The following ADGRL3 variants were observed in gnomAD, a reference collection of about 807,000 sequenced individuals.
ADGRL3 encodes adhesion G protein-coupled receptor L3, also known as calcium-independent alpha-latrotoxin receptor 3.
A neutral mutation model predicts 153.5 loss-of-function variants in ADGRL3; 62 were observed. That is an observed-to-expected ratio of 0.40 (90% CI 0.33 to 0.50). The LOEUF (loss-of-function observed/expected upper bound fraction) is 0.50, where lower values mean the gene tolerates loss of function less well. Among genes scored for constraint, ADGRL3 ranks in the 20% least tolerant of loss-of-function variants. The pLI is 0.47. For missense variants in ADGRL3, 1,641 were observed against 1,859.4 expected (o/e 0.88, Z 2.16); for synonymous variants, 710 against 672.5 (o/e 1.06, Z -0.86).
intron 26 of ADGRL3, 102 bp from the exon 27 acceptor site, chr4:62,070,007 A>G: frequency 1.1e-6 from 1 of 916,422 alleles, no homozygotes; most frequent in Non-Finnish European, 1.7e-6. Flanking sequence ...CTAGCAATTT[A>G]TACATATTTC....
chr4:61,519,829 A>T (rs1351559691), intron 4 of ADGRL3, among the ~76,000 whole-genome samples: 1 of 152,184 alleles, frequency 6.6e-6, no homozygotes, highest in Non-Finnish European at 1.5e-5. Flanking sequence ...TCTAGAAACA[A>T]GATACTTTAA....
At chr4:62,032,140 G>A (rs938853381) in intron 23 of ADGRL3, among the ~76,000 whole-genome samples, 3 of 151,166 alleles carry the variant, frequency 2.0e-5, no homozygotes, top group Admixed American at 2.0e-4. Context: ...AATGAATGAT[G>A]GAATAGTTAA....
At chr4:61,387,154 G>A (rs1023503495) in intron 2 of ADGRL3, among the ~76,000 whole-genome samples, 1 of 152,114 alleles carries the variant, frequency 6.6e-6, no homozygotes, top group South Asian at 2.1e-4. Flanking sequence ...TACCCTACAA[G>A]CCACAAAAAC....
At position 61,473,201 on chromosome 4, in the gene ADGRL3, G is replaced by T. The variant is rs578249343; in HGVS notation, c.-173-23920G>T. Among the ~76,000 whole-genome samples the T allele has an allele frequency of 9.2e-5, 4 of 43,636 alleles. No individual in the cohort carries two copies. In the South Asian group the frequency reaches 5.8e-3, roughly 63 times the overall value. The allele number at this position is 43,636 out of a possible 152,430, so 28.6% of individuals were successfully genotyped here. On this transcript the variant is annotated intron_variant, in intron 2 of 26. Transcript: ENST00000683033. ...AGTGAAAGGAAAAAAACACCTATTT[G>T]TATGTGTTTGTGTGTGTGTGTGTGT... is the stretch of plus-strand genomic sequence containing the variant.
chr4:61,329,785 T>A lies in ADGRL3; in HGVS notation c.-239-53339T>A, dbSNP rs190806752. 4.6e-5 allele frequency among the ~76,000 whole-genome samples: 7 copies of A among 152,304 alleles called. No individual in the cohort carries two copies. In the East Asian group the frequency reaches 1.4e-3, roughly 29 times the overall value. On this transcript the variant is annotated intron_variant, in intron 1 of 26. Transcript: ENST00000683033. ...ATTTTCTAATGGTGGACATATGGAG[T>A]GTTTAATATAAACAATGCTGTGGAA...
intron 1 of ADGRL3, among the ~76,000 whole-genome samples, chr4:61,319,095 T>C (rs2095299828): frequency 6.6e-6 from 1 of 152,186 alleles, no homozygotes; most frequent in South Asian, 2.1e-4. Flanking sequence ...AGGCTGCCTG[T>C]ATGTTGTTAC....
chr4:61,213,266 C>A (rs1740986867), intron 1 of ADGRL3, among the ~76,000 whole-genome samples: 1 of 152,006 alleles, frequency 6.6e-6, no homozygotes, highest in African/African-American at 2.4e-5. Flanking sequence ...TTTTAGCAGT[C>A]CTTCTATGTT....
chr4:61,650,986 A>T (rs1294334153), intron 5 of ADGRL3, among the ~76,000 whole-genome samples: 2 of 152,160 alleles, frequency 1.3e-5, no homozygotes, highest in African/African-American at 4.8e-5. Context: ...AATAATGGAA[A>T]ATAGTAAGGA....
At chr4:61,282,474 G>A (rs2093760382) in intron 1 of ADGRL3, among the ~76,000 whole-genome samples, 1 of 151,898 alleles carries the variant, frequency 6.6e-6, no homozygotes, top group South Asian at 2.1e-4. Context: ...TTGTGTATGG[G>A]TTTTTTGCAC....
chr4:61,964,840 A>C (rs1036271916), intron 17 of ADGRL3, among the ~76,000 whole-genome samples: 16 of 152,038 alleles, frequency 1.1e-4, no homozygotes, highest in Admixed American at 1.0e-3. Context: ...CAGAAGAAAC[A>C]TAGAAACCTT....
intron 5 of ADGRL3, among the ~76,000 whole-genome samples, chr4:61,668,779 A>C (rs1021013165): frequency 6.6e-6 from 1 of 152,128 alleles, no homozygotes; most frequent in Non-Finnish European, 1.5e-5. Flanking sequence ...AACACTCGAG[A>C]GGCTGAGGTG....
intron 6 of ADGRL3, among the ~76,000 whole-genome samples, chr4:61,680,448 G>T (rs1270128990): frequency 7.9e-6 from 1 of 127,024 alleles, no homozygotes; most frequent in African/African-American, 2.9e-5. Flanking sequence ...GTGTGTGTGT[G>T]TTTCCATGGC....
In ADGRL3 at chr4:61,274,034, T is replaced by C. The variant is rs952818165; in HGVS notation, c.-240+72269T>C. On this transcript the variant is annotated intron_variant, in intron 1 of 26. Coordinates refer to ENST00000683033, the MANE Select transcript of ADGRL3 (RefSeq NM_001387552.1). ...TGCTAAGGTGACCTTTATCTTTCTA[T>C]TAAAAGGTGAATCCATATACAACAT... Among the ~76,000 whole-genome samples, 4 of 152,158 alleles carry C rather than the reference T, an allele frequency of 2.6e-5. No homozygotes were observed. The South Asian group carries it at 8.3e-4, about 32-fold the overall frequency.
chr4:61,517,392 C>T lies in ADGRL3; in HGVS notation c.133C>T (p.Pro45Ser), dbSNP rs1261489049. 1.2e-5 allele frequency: 9 copies of T among 722,884 alleles called. No individual in the cohort carries two copies. The South Asian group carries it at 1.3e-4, about 11-fold the overall frequency. 44.8% of individuals were successfully genotyped at this position (722,884 alleles called of 1,614,324 possible). Residue 45 changes from proline (P) to serine (S), a missense_variant, in exon 4 of 27, where the codon CCA becomes TCA. By Grantham distance (74) the Pro-to-Ser change is moderately conservative. Around this residue, in one of 5 missense-constraint regions of ADGRL3, gnomAD observed 145 missense variants for 79.1 expected, o/e 1.83. Transcript: ENST00000683033. ...HAERSPGGAL[P>S]PRHLLQQPAA... is the part of the protein sequence containing the mutation. ...TGAGCGCAGCCCAGGAGGCGCTCTT[C>T]CACCCAGACATCTGCTTCAGCAGCC...
At chr4:61,565,725 A>T (rs927479470) in intron 4 of ADGRL3, among the ~76,000 whole-genome samples, 12 of 151,550 alleles carry the variant, frequency 7.9e-5, no homozygotes, top group African/African-American at 2.9e-4. Flanking sequence ...TTTAGTAGAG[A>T]TGGGATTTCG....
chr4:61,394,265 G>C (rs961726538), intron 2 of ADGRL3, among the ~76,000 whole-genome samples: 2 of 151,942 alleles, frequency 1.3e-5, no homozygotes, highest in African/African-American at 4.8e-5. Context: ...TATGTGTTTA[G>C]TAGGGACCTA....
chr4:61,607,315 C>T (rs2099036113), intron 5 of ADGRL3, among the ~76,000 whole-genome samples: 1 of 152,064 alleles, frequency 6.6e-6, no homozygotes, highest in Non-Finnish European at 1.5e-5. Flanking sequence ...AAAGACCAAT[C>T]TGGCCAGGCG....
intron 1 of ADGRL3, among the ~76,000 whole-genome samples, chr4:61,222,884 T>A (rs1444396261): frequency 2.6e-5 from 4 of 152,180 alleles, no homozygotes; most frequent in Non-Finnish European, 5.9e-5. Context: ...GGTCCGATAT[T>A]ATGGTTATAA....
intron 8 of ADGRL3, among the ~76,000 whole-genome samples, chr4:61,734,256 T>C (rs2096480872): frequency 6.6e-6 from 1 of 152,158 alleles, no homozygotes. Flanking sequence ...AATTTTTTTT[T>C]CATTTTTATG....
Sources: allele counts gnomAD v4.1 joint callset (sites outside exome capture counted in the v4.1 genomes callset), GRCh38; gene constraint gnomAD v4.1.1; regional missense constraint gnomAD v4.1.1; transcripts MANE v1.5; gene names NCBI Gene and HGNC (gene_info 2026-07-23, HGNC 2026-07-21).